NXPH2: variants seen among roughly 807,000 people sequenced by gnomAD.
NXPH2 encodes the protein neurexophilin 2, also known as neurexophilin-2.
In NXPH2, 5 loss-of-function variants were observed where a neutral mutation model predicts 19.8. The ratio of observed to expected loss-of-function variants is 0.25; its 90% CI spans 0.13 to 0.53. The LOEUF (loss-of-function observed/expected upper bound fraction) is 0.53, where lower values mean the gene tolerates loss of function less well. NXPH2 is among the 20% of genes least tolerant of loss of function. The pLI is 0.96. For missense variants in NXPH2, 289 were observed against 322.8 expected (o/e 0.90, Z 0.80); for synonymous variants, 154 against 127.4 (o/e 1.21, Z -1.41).
intron 1 of NXPH2, among the ~76,000 whole-genome samples, chr2:138,686,897 G>A (rs1344134643): frequency 3.3e-5 from 5 of 152,016 alleles, no homozygotes; most frequent in African/African-American, 4.8e-5. Context: ...CTTTTTTATG[G>A]CTGCATAGTA....
chr2:138,755,988 C>G (rs994279155), intron 1 of NXPH2, among the ~76,000 whole-genome samples: 4 of 151,946 alleles, frequency 2.6e-5, no homozygotes, highest in African/African-American at 9.7e-5. Context: ...TACTGGTATA[C>G]AGGAAACAAA....
chr2:138,690,126 C>T (rs1396330245), intron 1 of NXPH2, among the ~76,000 whole-genome samples: 2 of 152,212 alleles, frequency 1.3e-5, no homozygotes, highest in Non-Finnish European at 2.9e-5. Flanking sequence ...TCCCTTGGCA[C>T]ATGCCTCATC....
chr2:138,717,835 A>G (rs1366778649), intron 1 of NXPH2, among the ~76,000 whole-genome samples: 1 of 152,178 alleles, frequency 6.6e-6, no homozygotes, highest in African/African-American at 2.4e-5. Flanking sequence ...CCTTAGAAAG[A>G]TTAGGAAGGC....
At chr2:138,703,463 A>G (rs1409591993) in intron 1 of NXPH2, among the ~76,000 whole-genome samples, 1 of 152,216 alleles carries the variant, frequency 6.6e-6, no homozygotes, top group Admixed American at 6.5e-5. Flanking sequence ...CAGAGGTGCC[A>G]CAGTAAACTA....
chr2:138,691,654 G>A (rs142850604), intron 1 of NXPH2, among the ~76,000 whole-genome samples: 95 of 152,264 alleles, frequency 6.2e-4, no homozygotes, highest in African/African-American at 2.0e-3. Context: ...GAACCTGAGC[G>A]ACAAGGTAAG....
chr2:138,768,783 G>C (rs778003861), intron 1 of NXPH2, among the ~76,000 whole-genome samples: 4 of 152,178 alleles, frequency 2.6e-5, no homozygotes, highest in Non-Finnish European at 5.9e-5. Flanking sequence ...AATGTTATGG[G>C]CCAGGTATTT....
rs1440088461 is a variant in NXPH2 at position 138,669,716 on chromosome 2, T to C, written c.*1206A>G. ...GACCCCTGTTTCTGTTCTAATTTAA[T>C]GATCATTCAGTTCTACCATATAGGA... is the stretch of plus-strand genomic sequence containing the variant. On this transcript the variant is annotated 3_prime_UTR_variant, in exon 2 of 2. Transcript: ENST00000272641. Among the ~76,000 whole-genome samples, 1 of 152,218 alleles carries C rather than the reference T, an allele frequency of 6.6e-6. No homozygotes were observed. Among genetic ancestry groups the C allele is most frequent in the Admixed American group, 6.5e-5 (1 of 15,282 alleles).
chr2:138,725,082 T>C (rs1681338723), intron 1 of NXPH2, among the ~76,000 whole-genome samples: 1 of 152,234 alleles, frequency 6.6e-6, no homozygotes, highest in Admixed American at 6.5e-5. Context: ...TTAAAACAAA[T>C]CTATATTTGC....
At chr2:138,743,168 C>A (rs888374088) in intron 1 of NXPH2, among the ~76,000 whole-genome samples, 1 of 152,256 alleles carries the variant, frequency 6.6e-6, no homozygotes, top group Non-Finnish European at 1.5e-5. Flanking sequence ...GGCAGTTAGC[C>A]TGCATTAATT....
intron 1 of NXPH2, among the ~76,000 whole-genome samples, chr2:138,710,042 A>C (rs1681082530): frequency 6.6e-6 from 1 of 152,168 alleles, no homozygotes; most frequent in African/African-American, 2.4e-5. Flanking sequence ...CCATCACTTC[A>C]AAAAGGAACT....
At chr2:138,747,173 G>A (rs1401189495) in intron 1 of NXPH2, among the ~76,000 whole-genome samples, 1 of 152,086 alleles carries the variant, frequency 6.6e-6, no homozygotes, top group Non-Finnish European at 1.5e-5. Flanking sequence ...ATTCATGCAC[G>A]TTTATCATGC....
chr2:138,710,848 A>T (rs1681094374), intron 1 of NXPH2, among the ~76,000 whole-genome samples: 2 of 151,852 alleles, frequency 1.3e-5, no homozygotes, highest in South Asian at 4.2e-4. Flanking sequence ...AACTCATCTA[A>T]ACCACCCATG....
At chr2:138,676,711 A>G (rs1284110869) in intron 1 of NXPH2, among the ~76,000 whole-genome samples, 1 of 152,198 alleles carries the variant, frequency 6.6e-6, no homozygotes, top group African/African-American at 2.4e-5. Flanking sequence ...CCATGGTCCA[A>G]TGGATAATCT....
chr2:138,671,764 T>G, intron 1 of NXPH2, 99 bp from the exon 2 acceptor site: 1 of 1,255,232 alleles, frequency 8.0e-7, no homozygotes, highest in African/African-American at 1.5e-5. Context: ...TCAACATTGT[T>G]TAGATTCTTG....
At chr2:138,773,807 T>C (rs562785614) in intron 1 of NXPH2, among the ~76,000 whole-genome samples, 1 of 152,306 alleles carries the variant, frequency 6.6e-6, no homozygotes, top group South Asian at 2.1e-4. Flanking sequence ...AAAGCAGCAA[T>C]ATCTCAAAGT....
rs568154837 is a variant in NXPH2, at chr2:138,735,780, G to A, written c.51+44411C>T. 2.1e-3 allele frequency among the ~76,000 whole-genome samples: 323 copies of A among 152,298 alleles called. 1 individual carries two copies. The highest frequency in any genetic ancestry group is 7.4e-3 in the African/African-American group (306 of 41,568). On this transcript the variant is annotated intron_variant, in intron 1 of 1. Transcript: ENST00000272641. Reference sequence around the variant, plus strand: ...GCAAGTCCTTTCTGCCTATGAACCTGTAAAATCAAAAGCAACTTAGTTACT... The same window carrying A: ...GCAAGTCCTTTCTGCCTATGAACCTATAAAATCAAAAGCAACTTAGTTACT...
chr2:138,768,704 G>C, intron 1 of NXPH2, among the ~76,000 whole-genome samples: 1 of 152,196 alleles, frequency 6.6e-6, no homozygotes, highest in East Asian at 1.9e-4. Context: ...GTCAGAATCA[G>C]TTTCTGTTGC....
intron 1 of NXPH2, among the ~76,000 whole-genome samples, chr2:138,708,438 T>C (rs953243649): frequency 2.0e-5 from 3 of 152,184 alleles, no homozygotes; most frequent in Non-Finnish European, 4.4e-5. Context: ...AATAATTTCA[T>C]TAATGGAAGA....
chr2:138,731,086 T>C (rs534479527), intron 1 of NXPH2, among the ~76,000 whole-genome samples: 17 of 152,302 alleles, frequency 1.1e-4, no homozygotes, highest in Non-Finnish European at 2.1e-4. Flanking sequence ...AGAGCTTCCC[T>C]AAATATTTAT....
Sources: gnomAD v4.1 joint callset for allele counts (sites outside exome capture counted in the v4.1 genomes callset) on GRCh38, gnomAD v4.1.1 for gene constraint, MANE v1.5 for transcripts, NCBI Gene and HGNC (gene_info 2026-07-23, HGNC 2026-07-21) for gene names.